ZFHX3: variants seen among roughly 807,000 people sequenced by gnomAD.
ZFHX3 encodes the protein zinc finger homeobox protein 3.
In ZFHX3, 42 loss-of-function variants were observed where a neutral mutation model predicts 279.1. That is an observed-to-expected ratio of 0.15 (90% CI 0.12 to 0.19). The LOEUF is 0.19. ZFHX3 is among the 10% of genes least tolerant of loss of function. The probability of loss-of-function intolerance (pLI) is 1.00; values close to 1 mark genes in which losing one functional copy is unlikely to be tolerated. For synonymous variants in ZFHX3, 2,293 were observed against 1,957.8 expected (o/e 1.17, Z -4.52); for missense variants, 4,981 against 4,754.0 (o/e 1.05, Z -1.40).
intron 3 of ZFHX3, among the ~76,000 whole-genome samples, chr16:73,442,285 T>A (rs1292755813): frequency 6.6e-6 from 1 of 152,178 alleles, no homozygotes; most frequent in Non-Finnish European, 1.5e-5. Context: ...GCCTCTCTCC[T>A]TCTTATATAG....
intron 4 of ZFHX3, among the ~76,000 whole-genome samples, chr16:72,849,549 C>G (rs2037560559): frequency 6.6e-6 from 1 of 152,182 alleles, no homozygotes; most frequent in Non-Finnish European, 1.5e-5. Context: ...TGGCACTAAC[C>G]AGTGCATTAG....
At chr16:72,902,145 G>A (rs919199066) in intron 3 of ZFHX3, among the ~76,000 whole-genome samples, 3 of 152,292 alleles carry the variant, frequency 2.0e-5, no homozygotes, top group East Asian at 1.9e-4. Context: ...AGAGGCAATC[G>A]TTTTCAACCA....
intron 2 of ZFHX3, among the ~76,000 whole-genome samples, chr16:73,458,315 T>TTCCTCCCTCCCTTCCTCCCTCCCG (rs2018410419): frequency 1.0e-5 from 1 of 99,324 alleles, no homozygotes; most frequent in African/African-American, 3.4e-5. Flanking sequence ...TTTCCCTCCC[T>TTCCTCCCTCCCTTCCTCCCTCCCG]TCCTCCCTCA....
chr16:73,406,303 G>T (rs574108403), intron 3 of ZFHX3, among the ~76,000 whole-genome samples: 4 of 152,260 alleles, frequency 2.6e-5, no homozygotes, highest in South Asian at 2.1e-4. Context: ...AATGATGGAG[G>T]CATCACTGCA....
chr16:72,979,821 G>A (rs1439217782), intron 1 of ZFHX3, among the ~76,000 whole-genome samples: 1 of 152,092 alleles, frequency 6.6e-6, no homozygotes, highest in Admixed American at 6.5e-5. Context: ...ATGCATGTAA[G>A]AATAACCTAC....
In ZFHX3 at chr16:73,105,422, T is replaced by C. The variant is rs1310510678; in HGVS notation, c.-896-11824A>G. On this transcript the variant is annotated intron_variant, in intron 7 of 17. Transcript: ENST00000641206. ...ATATATATATATACACACACACATA[T>C]ATATATATATACACACACACACATA... 1.7e-5 allele frequency among the ~76,000 whole-genome samples: 2 copies of C among 116,688 alleles called. 1 individual carries two copies. The highest frequency in any genetic ancestry group is 8.3e-5 in the African/African-American group (2 of 24,046). 76.6% of individuals were successfully genotyped at this position (116,688 alleles called of 152,430 possible).
chr16:73,143,675 G>T, intron 6 of ZFHX3: 2 of 1,074,678 alleles, frequency 1.9e-6, no homozygotes, highest in Non-Finnish European at 1.3e-6. Flanking sequence ...TGTCTGGCTG[G>T]TTAGTCTTTT....
chr16:73,482,917 T>A (rs1334245216), intron 2 of ZFHX3, among the ~76,000 whole-genome samples: 1 of 152,206 alleles, frequency 6.6e-6, no homozygotes, highest in Non-Finnish European at 1.5e-5. Context: ...TCAATAAAAT[T>A]AGCAGCTTGA....
chr16:73,269,388 C>T (rs866345594), intron 4 of ZFHX3, among the ~76,000 whole-genome samples: 97 of 152,286 alleles, frequency 6.4e-4, no homozygotes, highest in African/African-American at 2.3e-3. Flanking sequence ...TATTATTCTG[C>T]TTTTTCCACA....
At chr16:73,495,192 T>A (rs538307577) in intron 2 of ZFHX3, among the ~76,000 whole-genome samples, 1 of 152,208 alleles carries the variant, frequency 6.6e-6, no homozygotes, top group Non-Finnish European at 1.5e-5. Flanking sequence ...TATTCCCTGA[T>A]CTAATGCATA....
intron 1 of ZFHX3, among the ~76,000 whole-genome samples, chr16:73,031,658 G>C (rs1033149603): frequency 2.6e-5 from 4 of 152,198 alleles, no homozygotes; most frequent in African/African-American, 9.7e-5. Flanking sequence ...CCATGATGGC[G>C]TGACTGGACT....
chr16:73,331,128 A>G (rs972298572), intron 3 of ZFHX3, among the ~76,000 whole-genome samples: 4 of 152,168 alleles, frequency 2.6e-5, no homozygotes, highest in Admixed American at 1.3e-4. Context: ...AGGGGAAGCA[A>G]ACACACCCTT....
chr16:73,313,101 T>C (rs1423655002), intron 4 of ZFHX3, among the ~76,000 whole-genome samples: 4 of 152,276 alleles, frequency 2.6e-5, no homozygotes, highest in Middle Eastern at 6.8e-3. Flanking sequence ...GATAGCGAGT[T>C]GTCCCGAGAT....
chr16:73,196,515 G>A (rs893046242), intron 5 of ZFHX3, among the ~76,000 whole-genome samples: 12 of 151,302 alleles, frequency 7.9e-5, no homozygotes, highest in Non-Finnish European at 7.4e-5. Flanking sequence ...ATAGAGTTGA[G>A]AAACAAAGGA....
intron 5 of ZFHX3, among the ~76,000 whole-genome samples, chr16:73,162,157 A>T (rs1967252294): frequency 6.6e-6 from 1 of 152,220 alleles, no homozygotes; most frequent in South Asian, 2.1e-4. Context: ...ACACAGCAGG[A>T]GTTGAGCAAC....
chr16:73,551,447 A>G (rs1270120960), intron 2 of ZFHX3, among the ~76,000 whole-genome samples: 7 of 152,228 alleles, frequency 4.6e-5, no homozygotes, highest in Non-Finnish European at 7.3e-5. Flanking sequence ...TTACCAAACT[A>G]TTAACTGTCC....
intron 3 of ZFHX3, among the ~76,000 whole-genome samples, chr16:73,346,088 C>A (rs1349211316): frequency 6.6e-6 from 1 of 152,154 alleles, no homozygotes; most frequent in East Asian, 1.9e-4. Context: ...GCTCAGCGAC[C>A]CTGCACCTTT....
At chr16:73,582,400 C>T (rs1393986969) in intron 2 of ZFHX3, among the ~76,000 whole-genome samples, 1 of 151,760 alleles carries the variant, frequency 6.6e-6, no homozygotes, top group African/African-American at 2.4e-5. Context: ...CTCATTGCTA[C>T]ATACTTCTAA....
intron 2 of ZFHX3, among the ~76,000 whole-genome samples, chr16:73,461,774 G>A (rs992146567): frequency 6.6e-6 from 1 of 152,120 alleles, no homozygotes; most frequent in African/African-American, 2.4e-5. Context: ...GATTCCTATA[G>A]CTATTTAATT....
Sources: allele counts gnomAD v4.1 joint callset (sites outside exome capture counted in the v4.1 genomes callset), GRCh38; gene constraint gnomAD v4.1.1; transcripts MANE v1.5; gene names NCBI Gene and HGNC (gene_info 2026-07-23, HGNC 2026-07-21).